Variants in DOCK1 observed in about 807,000 individuals in gnomAD.
The protein encoded by DOCK1 is dedicator of cytokinesis protein 1.
Under a neutral mutation model 262.7 loss-of-function variants are expected in DOCK1, and 138 were observed. That is an observed-to-expected ratio of 0.53 (90% CI 0.46 to 0.61). DOCK1 has a LOEUF of 0.61. DOCK1 is among the 20% of genes least tolerant of loss of function. The pLI is 0.00. For missense variants in DOCK1, 1,908 were observed against 2,370.7 expected (o/e 0.80, Z 4.05); for synonymous variants, 866 against 867.4 (o/e 1.00, Z 0.03).
intron 27 of DOCK1, among the ~76,000 whole-genome samples, chr10:127,171,911 G>A (rs1387944193): frequency 6.6e-6 from 1 of 152,038 alleles, no homozygotes; most frequent in Non-Finnish European, 1.5e-5. Flanking sequence ...CACCATGTTG[G>A]CCAGACTGGT....
At chr10:126,943,441 A>G (rs1466391728) in intron 1 of DOCK1, among the ~76,000 whole-genome samples, 9 of 152,186 alleles carry the variant, frequency 5.9e-5, no homozygotes, top group African/African-American at 2.2e-4. Context: ...CCTTTCTGTT[A>G]AATGGGAGTA....
chr10:127,219,639 T>G (rs2058347491), intron 27 of DOCK1, among the ~76,000 whole-genome samples: 1 of 152,120 alleles, frequency 6.6e-6, no homozygotes, highest in Non-Finnish European at 1.5e-5. Context: ...ACACCCCATT[T>G]CTCCCTCCTC....
chr10:126,966,019 TC>T (rs2037647011), intron 1 of DOCK1, among the ~76,000 whole-genome samples: 1 of 152,124 alleles, frequency 6.6e-6, no homozygotes, highest in East Asian at 1.9e-4. Context: ...TGTCCCCACT[TC>T]CCCCCTACCC....
intron 33 of DOCK1, among the ~76,000 whole-genome samples, chr10:127,366,899 A>G (rs980333525): frequency 5.3e-5 from 8 of 152,072 alleles, no homozygotes; most frequent in African/African-American, 1.7e-4. Flanking sequence ...TAGGGGGAAG[A>G]TATTAGGGGG....
intron 33 of DOCK1, among the ~76,000 whole-genome samples, chr10:127,372,886 C>G (rs769132275): frequency 1.2e-4 from 18 of 152,316 alleles, no homozygotes; most frequent in Non-Finnish European, 2.2e-4. Context: ...CACAGCCCCT[C>G]CTTGCTACTG....
chr10:127,255,673 C>G (rs544273768), intron 28 of DOCK1, among the ~76,000 whole-genome samples: 2 of 152,258 alleles, frequency 1.3e-5, no homozygotes, highest in East Asian at 1.9e-4. Flanking sequence ...CTGAGCCATA[C>G]TAATGAAGTA....
Position 127,439,145 on chromosome 10 carries a change from C to T in DOCK1, c.5179C>T (p.His1727Tyr). The T allele has an allele frequency of 6.2e-7, 1 of 1,606,760 alleles. No homozygotes were observed. The highest frequency in any genetic ancestry group is 8.5e-7 in the Non-Finnish European group (1 of 1,176,656). The change falls in exon 49 of 52, where the codon CAT becomes TAT. Residue 1727 changes from histidine (H) to tyrosine (Y), a missense_variant. Transcript: ENST00000623213. ...DKKKEKRNSKHQEIFEKEFKP... is the reference protein window; with the variant it reads ...DKKKEKRNSKYQEIFEKEFKP... ...GAAGAAGGAAAAAAGGAACAGCAAA[C>T]ATCAAGAGATATTTGAGAAAGAATT...
chr10:127,325,126 T>C (rs1015479601), intron 29 of DOCK1, among the ~76,000 whole-genome samples: 3 of 151,930 alleles, frequency 2.0e-5, no homozygotes, highest in African/African-American at 7.3e-5. Context: ...ATCATTACAC[T>C]CATTAAGAAA....
intron 1 of DOCK1, among the ~76,000 whole-genome samples, chr10:126,927,505 C>T (rs1444713417): frequency 2.0e-5 from 3 of 152,008 alleles, no homozygotes; most frequent in Non-Finnish European, 4.4e-5. Flanking sequence ...GTGGCCATCT[C>T]GGCTCACTGC....
chr10:126,945,994 T>C (rs894006828), intron 1 of DOCK1, among the ~76,000 whole-genome samples: 2 of 152,210 alleles, frequency 1.3e-5, no homozygotes, highest in Non-Finnish European at 1.5e-5. Flanking sequence ...CGCTCTGGAC[T>C]CTTTTTAAAC....
intron 29 of DOCK1, among the ~76,000 whole-genome samples, chr10:127,322,199 T>C (rs1326045789): frequency 6.6e-6 from 1 of 151,070 alleles, no homozygotes; most frequent in Non-Finnish European, 1.5e-5. Flanking sequence ...TTTTTTTTTT[T>C]TTTTCCTGGA....
chr10:126,939,019 A>G (rs2034777980), intron 1 of DOCK1, among the ~76,000 whole-genome samples: 1 of 122,958 alleles, frequency 8.1e-6, no homozygotes, highest in African/African-American at 3.1e-5. Flanking sequence ...GGAGGGGATG[A>G]ACACCTGAAG....
chr10:127,265,051 A>G (rs1009327827), intron 29 of DOCK1, among the ~76,000 whole-genome samples: 1 of 152,250 alleles, frequency 6.6e-6, no homozygotes, highest in African/African-American at 2.4e-5. Context: ...AATTCTGCCC[A>G]TAGAAAACAG....
At chr10:127,342,702 C>T (rs2135753832) in intron 30 of DOCK1, among the ~76,000 whole-genome samples, 1 of 152,216 alleles carries the variant, frequency 6.6e-6, no homozygotes, top group East Asian at 1.9e-4. Context: ...TGATATAATA[C>T]ATATTATCCC....
At chr10:127,225,347 C>A (rs991674152) in intron 27 of DOCK1, among the ~76,000 whole-genome samples, 16 of 152,268 alleles carry the variant, frequency 1.1e-4, no homozygotes, top group African/African-American at 3.6e-4. Context: ...TCTGCAGTAA[C>A]TTCCTGAAGC....
chr10:127,118,296 TCA>T (rs2049315974), intron 25 of DOCK1, among the ~76,000 whole-genome samples: 1 of 152,196 alleles, frequency 6.6e-6, no homozygotes, highest in African/African-American at 2.4e-5. Flanking sequence ...CCAATTCTTC[TCA>T]CACAGTGTTT....
intron 1 of DOCK1, among the ~76,000 whole-genome samples, chr10:126,913,597 TTGA>T (rs1378650066): frequency 6.6e-6 from 1 of 152,228 alleles, no homozygotes; most frequent in African/African-American, 2.4e-5. Context: ...ACCGGGCTTC[TTGA>T]TGATGACTTA....
chr10:126,947,226 G>A, intron 1 of DOCK1, among the ~76,000 whole-genome samples: 1 of 152,226 alleles, frequency 6.6e-6, no homozygotes, highest in East Asian at 1.9e-4. Context: ...GATGATGGTG[G>A]TGCTGGTAAT....
chr10:127,217,078 G>A (rs1460770490), intron 27 of DOCK1, among the ~76,000 whole-genome samples: 1 of 152,124 alleles, frequency 6.6e-6, no homozygotes. Context: ...GAAAGAAAGA[G>A]AAAAGAAGGG....
Sources: allele counts gnomAD v4.1 joint callset (sites outside exome capture counted in the v4.1 genomes callset), GRCh38; gene constraint gnomAD v4.1.1; transcripts MANE v1.5; gene names NCBI Gene and HGNC (gene_info 2026-07-23, HGNC 2026-07-21).